Variants in EXPH5 observed in about 807,000 individuals in gnomAD.
The protein encoded by EXPH5 is exophilin 5, also known as exophilin-5.
Under a neutral mutation model 41.1 loss-of-function variants are expected in EXPH5, and 42 were observed. The ratio of observed to expected loss-of-function variants is 1.02; its 90% CI spans 0.80 to 1.32. The LOEUF is 1.32. EXPH5 is among the 40% of genes most tolerant of loss of function. The pLI is 0.00. For missense variants in EXPH5, 2,298 were observed against 2,314.5 expected, an observed-to-expected ratio of 0.99 and a Z score of 0.15; for synonymous variants, 798 against 833.5, an observed-to-expected ratio of 0.96 and a Z score of 0.73.
At position 108,513,486 on chromosome 11, in the gene EXPH5, A is replaced by G. The variant is rs768225777; in HGVS notation, c.2021T>C (p.Val674Ala). Residue 674 changes from valine to alanine, a missense_variant, in exon 6 of 6, where the codon GTG (valine) becomes GCG (alanine). Val to Ala is a moderately conservative substitution (Grantham distance 64). Coordinates refer to ENST00000265843, the MANE Select transcript of EXPH5 (RefSeq NM_015065.3). ...AGAGTCAACTGAATTGCTGCTGGTC[A>G]CAGTGACTTCTGTATGGCTTCTCAT... ...HPMRSHTEVT[V>A]TSSNSVDSLP... 1 of 1,614,004 alleles carries G rather than the reference A, an allele frequency of 6.2e-7. No individual in the cohort carries two copies. Among genetic ancestry groups the G allele is most frequent in the African/African-American group, 1.3e-5 (1 of 75,066 alleles).
intron 1 of EXPH5, among the ~76,000 whole-genome samples, chr11:108,581,802 GAATGAAAGA>G: frequency 6.6e-6 from 1 of 152,078 alleles, no homozygotes; most frequent in South Asian, 2.1e-4. Context: ...TCAATACCAG[GAATGAAAGA>G]GGGGCTATTC....
chr11:108,544,265 C>T (rs1455833534), intron 1 of EXPH5, among the ~76,000 whole-genome samples: 3 of 152,202 alleles, frequency 2.0e-5, no homozygotes, highest in African/African-American at 7.2e-5. Context: ...TTATAGCTCA[C>T]TGAAGCCTTG....
At chr11:108,560,269 T>G (rs1013163171) in intron 1 of EXPH5, among the ~76,000 whole-genome samples, 1 of 152,238 alleles carries the variant, frequency 6.6e-6, no homozygotes, top group Non-Finnish European at 1.5e-5. Context: ...AAGCTTGTTG[T>G]TGACATCAGT....
At chr11:108,542,006 T>C (rs1269945548) in intron 1 of EXPH5, among the ~76,000 whole-genome samples, 194 bp from the exon 2 acceptor site, 3 of 152,048 alleles carry the variant, frequency 2.0e-5, no homozygotes, top group Non-Finnish European at 2.9e-5. Context: ...GCTTCCCAAG[T>C]AGCTGAGACC....
At chr11:108,538,270 C>T (rs2093892296) in intron 3 of EXPH5, 4 of 985,112 alleles carry the variant, frequency 4.1e-6, no homozygotes, top group Non-Finnish European at 4.8e-6. Flanking sequence ...AAGCCAACAC[C>T]TTAAGAGGGT....
At chr11:108,552,910 A>G (rs1312599914) in intron 1 of EXPH5, among the ~76,000 whole-genome samples, 2 of 151,932 alleles carry the variant, frequency 1.3e-5, no homozygotes, top group African/African-American at 4.8e-5. Flanking sequence ...AAAAGAAGAA[A>G]AAAGGCCGGG....
rs1371384381 is a variant in EXPH5, at chr11:108,532,699, C to T, written c.444-4515G>A. Among the ~76,000 whole-genome samples, 14 of 152,242 alleles carry T rather than the reference C, an allele frequency of 9.2e-5. No individual in the cohort carries two copies. In the South Asian group the frequency reaches 2.9e-3, roughly 32 times the overall value. On this transcript the variant is annotated intron_variant, in intron 3 of 5. Coordinates refer to ENST00000265843, the MANE Select transcript of EXPH5 (RefSeq NM_015065.3). ...CAAAGCTTCCTTCACTCAGACCATC[C>T]TCTCTGCCGATGAAAGCCCAGCCTG... is the stretch of plus-strand genomic sequence containing the variant.
Position 108,513,363 on chromosome 11 carries a change from CTTAGCTGT to C in EXPH5, c.2136_2143del (p.Leu714AspfsTer9). The C allele has an allele frequency of 6.2e-7, 1 of 1,614,070 alleles. No individual in the cohort carries two copies. The highest frequency in any genetic ancestry group is 8.5e-7 in the Non-Finnish European group (1 of 1,179,976). On this transcript the variant is annotated frameshift_variant, in exon 6 of 6. Transcript: ENST00000265843. LOFTEE classifies it low-confidence loss of function (END_TRUNC). ...TGCCTTGTTTGTCTGGTCCATCTTG[CTTAGCTGT>C]TTGTCTTCTTCTGAAATAGATTCAT...
intron 1 of EXPH5, among the ~76,000 whole-genome samples, chr11:108,548,489 G>A (rs913775294): frequency 6.6e-6 from 1 of 152,300 alleles, no homozygotes; most frequent in Non-Finnish European, 1.5e-5. Context: ...AATATTTTAA[G>A]GATAACTCTG....
At chr11:108,549,054 T>C (rs752045391) in intron 1 of EXPH5, among the ~76,000 whole-genome samples, 5 of 152,232 alleles carry the variant, frequency 3.3e-5, no homozygotes, top group Non-Finnish European at 7.3e-5. Context: ...CAGCACCAAC[T>C]GGGATGTACC....
At chr11:108,603,824 A>G in the EXPH5 span, among the ~76,000 whole-genome samples, 1 of 152,196 alleles carries the variant, frequency 6.6e-6, no homozygotes, top group African/African-American at 2.4e-5. Flanking sequence ...GCAGTTCCTA[A>G]TAACTACCTA....
intron 1 of EXPH5, among the ~76,000 whole-genome samples, chr11:108,570,580 CTG>C (rs1474180509): frequency 6.6e-6 from 1 of 152,156 alleles, no homozygotes; most frequent in Non-Finnish European, 1.5e-5. Context: ...AGATCTCACT[CTG>C]TTGCTCGGGC....
chr11:108,509,140 G>A lies in EXPH5; in HGVS notation c.*397C>T, dbSNP rs1053666532. ...TGTGGACCGGAAGAAGCAATACAGA[G>A]TTTCACAGTTGTGCTGGGTAATTCA... On this transcript the variant is annotated 3_prime_UTR_variant, in exon 6 of 6. Coordinates refer to ENST00000265843, the MANE Select transcript of EXPH5 (RefSeq NM_015065.3). 2 of 162,534 alleles carry A rather than the reference G, an allele frequency of 1.2e-5. No homozygotes were observed. The allele number at this position is 162,534 out of a possible 1,614,324, so 10.1% of individuals were successfully genotyped here.
intron 5 of EXPH5, among the ~76,000 whole-genome samples, chr11:108,516,071 C>CAAAA (rs35633613): frequency 2.9e-4 from 25 of 84,946 alleles, no homozygotes; most frequent in Admixed American, 1.9e-3. Flanking sequence ...GACTCCGTCT[C>CAAAA]AAAAAAAAAA....
intron 1 of EXPH5, among the ~76,000 whole-genome samples, chr11:108,559,654 A>C (rs954256351): frequency 3.3e-5 from 5 of 152,196 alleles, no homozygotes; most frequent in Admixed American, 2.6e-4. Context: ...TCTCTCCTTC[A>C]TTTTCATTAA....
chr11:108,564,903 C>CTT (rs34384478), intron 1 of EXPH5, among the ~76,000 whole-genome samples: 2,121 of 118,386 alleles, frequency 0.018, 78 homozygotes, highest in African/African-American at 0.042. Context: ...ATATGTGTAG[C>CTT]TTTTTTTTTT....
chr11:108,591,087 C>G (rs1356519443), intron 1 of EXPH5, among the ~76,000 whole-genome samples: 1 of 152,214 alleles, frequency 6.6e-6, no homozygotes, highest in Non-Finnish European at 1.5e-5. Flanking sequence ...CCTTATTGTT[C>G]TAGTCAAGAG....
rs2093648780 is a variant in EXPH5 at position 108,507,172 on chromosome 11, A to C, written c.*2365T>G. 1 of 152,186 alleles carries C rather than the reference A, an allele frequency of 6.6e-6. No homozygotes were observed. The highest frequency in any genetic ancestry group is 1.5e-5 in the Non-Finnish European group (1 of 68,024). The allele number at this position is 152,186 out of a possible 1,614,324, so 9.4% of individuals were successfully genotyped here. On this transcript the variant is annotated 3_prime_UTR_variant, in exon 6 of 6. Transcript: ENST00000265843. ...GAGCTCAGGATTGGTCAGAGCTTGAAGTTTAAAATAGTTGACAGATTTAGG... is the reference window on the plus strand; with the variant it reads ...GAGCTCAGGATTGGTCAGAGCTTGACGTTTAAAATAGTTGACAGATTTAGG...
chr11:108,596,261 G>A (rs774295316), upstream of EXPH5, among the ~76,000 whole-genome samples: 1 of 152,106 alleles, frequency 6.6e-6, no homozygotes, highest in Admixed American at 6.5e-5. Context: ...AGTGAAGATG[G>A]CATCAAGGAA....
Sources: allele counts gnomAD v4.1 joint callset (sites outside exome capture counted in the v4.1 genomes callset), GRCh38; gene constraint gnomAD v4.1.1; transcripts MANE v1.5; gene names NCBI Gene and HGNC (gene_info 2026-07-23, HGNC 2026-07-21).